The following HRH2 variants were observed in gnomAD, a reference collection of about 807,000 sequenced individuals.
HRH2 encodes the protein histamine H2 receptor.
HRH2 carries 4 observed loss-of-function variants against 20.1 expected under a neutral mutation model. The ratio of observed to expected loss-of-function variants is 0.20; its 90% CI spans 0.10 to 0.45. The LOEUF is 0.45. Ranked by LOEUF, HRH2 falls within the 20% of genes least tolerant of loss-of-function variation. The pLI is 0.99. For missense variants in HRH2, 250 were observed against 461.6 expected (o/e 0.54, Z 4.20); for synonymous variants, 197 against 200.7 (o/e 0.98, Z 0.16).
intron 1 of HRH2, among the ~76,000 whole-genome samples, chr5:175,667,780 A>T (rs1412816339): frequency 6.6e-6 from 1 of 152,192 alleles, no homozygotes; most frequent in African/African-American, 2.4e-5. Context: ...TTTTGAACAT[A>T]TAGGTCATTC....
chr5:175,687,150 G>A lies in HRH2; in HGVS notation c.1076+2841G>A, dbSNP rs1004100983. 2.0e-5 allele frequency among the ~76,000 whole-genome samples: 3 copies of A among 152,328 alleles called. No homozygotes were observed. The highest frequency in any genetic ancestry group is 7.2e-5 in the African/African-American group (3 of 41,578). ...AGAGGGCTTTGGCAGAGAAGGGTGGGGGAGCCAGTCAGAGGGCCCCACACT... is the reference window on the plus strand; with the variant it reads ...AGAGGGCTTTGGCAGAGAAGGGTGGAGGAGCCAGTCAGAGGGCCCCACACT... On this transcript the variant is annotated intron_variant, in intron 2 of 2. Transcript: ENST00000636584. The surrounding 1 kb of genome is among the most constrained non-coding windows in gnomAD (Gnocchi z 5.2).
At chr5:175,678,264 G>C (rs535419790) in intron 1 of HRH2, among the ~76,000 whole-genome samples, 1 of 152,270 alleles carries the variant, frequency 6.6e-6, no homozygotes, top group Non-Finnish European at 1.5e-5. Flanking sequence ...GAAGCTGCTC[G>C]GTATGTGTCA....
At chr5:175,674,415 G>A (rs1755685989) in intron 1 of HRH2, among the ~76,000 whole-genome samples, 1 of 152,142 alleles carries the variant, frequency 6.6e-6, no homozygotes, top group African/African-American at 2.4e-5. Flanking sequence ...AATGGAAGTG[G>A]CCAGGGTCCT....
In HRH2 at chr5:175,681,514, G is replaced by T. The variant is rs1755971936; in HGVS notation, c.-525-1195G>T. 6.6e-6 allele frequency among the ~76,000 whole-genome samples: 1 copy of T among 152,218 alleles called. No individual in the cohort carries two copies. Among genetic ancestry groups the T allele is most frequent in the Non-Finnish European group, 1.5e-5 (1 of 68,038 alleles). ...AGGAGGAGCTGGTAGGGAAGGACTGGGGCGTGGAACAGGGCCTCAGCTTGT... is the reference window on the plus strand; with the variant it reads ...AGGAGGAGCTGGTAGGGAAGGACTGTGGCGTGGAACAGGGCCTCAGCTTGT... On this transcript the variant is annotated intron_variant, in intron 1 of 2. Coordinates refer to ENST00000636584, the MANE Select transcript of HRH2 (RefSeq NM_001367711.1). This position sits in a 1 kb window ranked among gnomAD's most constrained non-coding sequence, Gnocchi z 4.3.
intron 2 of HRH2, among the ~76,000 whole-genome samples, chr5:175,700,221 C>T (rs1240391375): frequency 6.6e-6 from 1 of 152,212 alleles, no homozygotes; most frequent in African/African-American, 2.4e-5. Context: ...CCACAAGGCT[C>T]TTACAGGCTG....
intron 1 of HRH2, among the ~76,000 whole-genome samples, chr5:175,661,431 A>T (rs1423349074): frequency 6.6e-6 from 1 of 152,218 alleles, no homozygotes; most frequent in Non-Finnish European, 1.5e-5. Flanking sequence ...TATTCTTACT[A>T]TGTTCCCATG....
At chr5:175,707,695 A>C (rs1756988633) in intron 2 of HRH2, 84 bp from the exon 3 acceptor site, 1 of 125,126 alleles carries the variant, frequency 8.0e-6, no homozygotes, top group Non-Finnish European at 1.6e-5. Context: ...GGCTTAGTAG[A>C]AGCAAAATTG....
In HRH2 at chr5:175,674,216, C is replaced by T. The variant is rs186108627; in HGVS notation, c.-525-8493C>T. On this transcript the variant is annotated intron_variant, in intron 1 of 2. Transcript: ENST00000636584. ...GCCGAGGCTGGTTTCATGCCTTCTG[C>T]GGCAGGGGGGGTCTGGGGATATGGA... 2.2e-4 allele frequency among the ~76,000 whole-genome samples: 34 copies of T among 152,274 alleles called. No homozygotes were observed. In the East Asian group the frequency reaches 4.6e-3, roughly 21 times the overall value.
At chr5:175,676,108 C>T (rs1021803790) in intron 1 of HRH2, among the ~76,000 whole-genome samples, 4 of 152,250 alleles carry the variant, frequency 2.6e-5, no homozygotes, top group Non-Finnish European at 5.9e-5. Context: ...GGCTTCACCA[C>T]GTTCTGTCAC....
Position 175,708,039 on chromosome 5 carries a change from A to T in HRH2, c.*68A>T. The T allele has an allele frequency of 2.5e-6, 1 of 398,852 alleles. No individual in the cohort carries two copies. The highest frequency in any genetic ancestry group is 4.4e-6 in the Non-Finnish European group (1 of 226,142). 24.7% of individuals were successfully genotyped at this position (398,852 alleles called of 1,614,324 possible). A position where few individuals can be genotyped will look rare whatever the true frequency, so the allele number is the denominator to read the frequency against. On this transcript the variant is annotated 3_prime_UTR_variant, in exon 3 of 3. Coordinates refer to ENST00000636584, the MANE Select transcript of HRH2 (RefSeq NM_001367711.1). ...GATGTGACTCCTGGAGCTCCTAAGG[A>T]CCCAGTCTCCAAAGCCACCAAGGAC... is the stretch of plus-strand genomic sequence containing the variant.
At chr5:175,670,978 A>G (rs1755515340) in intron 1 of HRH2, among the ~76,000 whole-genome samples, 1 of 152,280 alleles carries the variant, frequency 6.6e-6, no homozygotes, top group Non-Finnish European at 1.5e-5. Flanking sequence ...AGGGGCCAAC[A>G]GAGAAAGAAA....
chr5:175,706,227 T>C (rs1325848577), intron 2 of HRH2, among the ~76,000 whole-genome samples: 1 of 152,222 alleles, frequency 6.6e-6, no homozygotes, highest in Non-Finnish European at 1.5e-5. Flanking sequence ...CTGGTATGCT[T>C]TTCAATAGTC....
chr5:175,670,128 G>A (rs1222116865), intron 1 of HRH2, among the ~76,000 whole-genome samples: 2 of 152,152 alleles, frequency 1.3e-5, no homozygotes, highest in South Asian at 2.1e-4. Flanking sequence ...GGGACAGGTG[G>A]GAACGAGGGC....
intron 2 of HRH2, among the ~76,000 whole-genome samples, chr5:175,696,645 G>A (rs1168253694): frequency 6.6e-6 from 1 of 152,238 alleles, no homozygotes; most frequent in Non-Finnish European, 1.5e-5. Context: ...AGCAGGAAGT[G>A]GATGGCAGGG....
At chr5:175,684,815 G>T (rs1234415096) in intron 2 of HRH2, among the ~76,000 whole-genome samples, 2 of 152,310 alleles carry the variant, frequency 1.3e-5, no homozygotes, top group South Asian at 4.1e-4. Context: ...CGTGGGGGGG[G>T]TGTAAGTTGG....
At position 175,681,240 on chromosome 5, in the gene HRH2, C is replaced by A. The variant is rs1015696010; in HGVS notation, c.-525-1469C>A. Among the ~76,000 whole-genome samples, 1 of 152,174 alleles carries A rather than the reference C, an allele frequency of 6.6e-6. No individual in the cohort carries two copies. Among genetic ancestry groups the A allele is most frequent in the Non-Finnish European group, 1.5e-5 (1 of 68,034 alleles). On this transcript the variant is annotated intron_variant, in intron 1 of 2. Coordinates refer to ENST00000636584, the MANE Select transcript of HRH2 (RefSeq NM_001367711.1). The surrounding 1 kb of genome is among the most constrained non-coding windows in gnomAD (Gnocchi z 4.3). The stretch of plus-strand genomic sequence containing the variant: ...AAAATAGTACCCGGAGGTTCAGCTG[C>A]CAGGACTGGTGGCTGAGCCAGGGAG...
intron 1 of HRH2, among the ~76,000 whole-genome samples, chr5:175,680,954 G>A (rs747374830): frequency 1.3e-5 from 2 of 152,142 alleles, no homozygotes; most frequent in Non-Finnish European, 2.9e-5. Context: ...AGGGGCGGGA[G>A]AGGAGAGAAG....
chr5:175,683,374 C>T lies in HRH2; in HGVS notation c.141C>T (p.Arg47=). 6.2e-7 allele frequency: 1 copy of T among 1,614,212 alleles called. No individual in the cohort carries two copies. Among genetic ancestry groups the T allele is most frequent in the Non-Finnish European group, 8.5e-7 (1 of 1,180,038 alleles). ...TCTGTCTGGCCGTGGGCTTGAACCG[C>T]CGGCTCCGCAACCTGACCAATTGTT... The part of the protein sequence containing the change: ...VVVCLAVGLN[R]RLRNLTNCFI... Residue 47 remains arginine (R), a synonymous_variant, in exon 2 of 3, where the codon CGC becomes CGT. Transcript: ENST00000636584.
chr5:175,683,760 T>A lies in HRH2; in HGVS notation c.527T>A (p.Val176Asp). ...KGNHTTSKCK[V>D]QVNEVYGLVD... is the part of the protein sequence containing the mutation. ...AATCATACCACCTCTAAGTGCAAAG[T>A]CCAGGTCAATGAAGTGTACGGGCTG... Residue 176 changes from valine (V) to aspartate (D), a missense_variant, in exon 2 of 3, where the codon GTC becomes GAC. Coordinates refer to ENST00000636584, the MANE Select transcript of HRH2 (RefSeq NM_001367711.1). 6.2e-7 allele frequency: 1 copy of A among 1,614,088 alleles called. No homozygotes were observed. The highest frequency in any genetic ancestry group is 8.5e-7 in the Non-Finnish European group (1 of 1,180,022).
Sources: gnomAD v4.1 joint callset for allele counts (sites outside exome capture counted in the v4.1 genomes callset) on GRCh38, gnomAD v4.1.1 for gene constraint, Gnocchi (gnomAD v3.1) non-coding constraint, MANE v1.5 for transcripts, NCBI Gene and HGNC (gene_info 2026-07-23, HGNC 2026-07-21) for gene names.